Variants in MEDAG observed in about 807,000 individuals in gnomAD.
MEDAG encodes mesenteric estrogen dependent adipogenesis, also known as mesenteric estrogen-dependent adipogenesis protein.
In MEDAG, 25 loss-of-function variants were observed where a neutral mutation model predicts 29.9. The ratio of observed to expected loss-of-function variants is 0.84; its 90% CI spans 0.61 to 1.17. The LOEUF (loss-of-function observed/expected upper bound fraction) is 1.17, where lower values mean the gene tolerates loss of function less well. MEDAG is among the 50% of genes most tolerant of loss of function. The pLI is 0.00. For synonymous variants in MEDAG, 158 were observed against 148.2 expected (o/e 1.07, Z -0.48); for missense variants, 398 against 372.9 (o/e 1.07, Z -0.56).
chr13:30,924,530 A>G lies in MEDAG; in HGVS notation c.*95A>G, dbSNP rs891065936. 29 of 1,300,078 alleles carry G rather than the reference A, an allele frequency of 2.2e-5. No individual in the cohort carries two copies. In the African/African-American group the frequency reaches 4.3e-4, roughly 19 times the overall value. 80.5% of individuals were successfully genotyped at this position (1,300,078 alleles called of 1,614,324 possible). A position where few individuals can be genotyped will look rare whatever the true frequency, so the allele number is the denominator to read the frequency against. ...TAGGAGGTGGGAGGCAGATACTTCC[A>G]CCTGCGTGTCAATCTCCGGCTCCTC... On this transcript the variant is annotated 3_prime_UTR_variant, in exon 5 of 5. Transcript: ENST00000380482.
chr13:30,906,491 C>T lies in MEDAG; in HGVS notation c.-25C>T, dbSNP rs920495404. On this transcript the variant is annotated 5_prime_UTR_variant, in exon 1 of 5. Coordinates refer to ENST00000380482, the MANE Select transcript of MEDAG (RefSeq NM_032849.4). ...GCTGTAGGCACCGGACGGAAGCAGG[C>T]GGTGTGAGGACCGACGACGCGGGCA... 2.0e-6 allele frequency: 3 copies of T among 1,468,422 alleles called. No individual in the cohort carries two copies. Among genetic ancestry groups the T allele is most frequent in the African/African-American group, 2.9e-5 (2 of 68,588 alleles). The allele number at this position is 1,468,422 out of a possible 1,614,324, so 91.0% of individuals were successfully genotyped here.
In MEDAG at chr13:30,917,506, T is replaced by C; in HGVS notation, c.382T>C (p.Ser128Pro). The C allele has an allele frequency of 6.4e-7, 1 of 1,555,738 alleles. No homozygotes were observed. Among genetic ancestry groups the C allele is most frequent in the Non-Finnish European group, 8.9e-7 (1 of 1,127,658 alleles). The change falls in exon 2 of 5, where the codon TCA (serine) becomes CCA (proline). Residue 128 changes from serine to proline, a missense_variant. Ser to Pro is a moderately conservative substitution (Grantham distance 74). Transcript: ENST00000380482. ...TAATGTACAGACCAAAAAAGACACC[T>C]CAAAAGGTAAGTATCTATATTAGTC... ...FINVQTKKDT[S>P]KERTYAFLVN...
At position 30,906,716 on chromosome 13, in the gene MEDAG, G is replaced by A. The variant is rs762523878; in HGVS notation, c.201G>A (p.Arg67=). 2 of 1,518,008 alleles carry A rather than the reference G, an allele frequency of 1.3e-6. No individual in the cohort carries two copies. Among genetic ancestry groups the A allele is most frequent in the African/African-American group, 1.4e-5 (1 of 70,868 alleles). 94.0% of individuals were successfully genotyped at this position (1,518,008 alleles called of 1,614,324 possible). A position where few individuals can be genotyped will look rare whatever the true frequency, so the allele number is the denominator to read the frequency against. ...GGCCCGGGGAGCCGGCGGCGGCGCG[G>A]GGGGGCTTCAACGTCTTCGGTGACG... ...VARPGEPAAA[R]GGFNVFGDGL... is the part of the protein sequence containing the mutation. The change falls in exon 1 of 5, where the codon CGG becomes CGA. Residue 67 remains arginine, a synonymous_variant. Transcript: ENST00000380482.
chr13:30,922,104 T>C (rs906515709), intron 4 of MEDAG: 6 of 297,786 alleles, frequency 2.0e-5, no homozygotes, highest in Admixed American at 1.4e-4. Flanking sequence ...TAAATATTAT[T>C]ATTAATTTAA....
intron 3 of MEDAG, 86 bp downstream of exon 3, chr13:30,921,212 C>G: frequency 8.7e-7 from 1 of 1,145,986 alleles, no homozygotes; most frequent in Non-Finnish European, 1.3e-6. Context: ...CCCTATTGCC[C>G]TGGCTTAGGC....
rs1593510797 is a variant in MEDAG, at chr13:30,920,892, G to A, written c.389-122G>A. On this transcript the variant is annotated intron_variant, in intron 2 of 4. Coordinates refer to ENST00000380482, the MANE Select transcript of MEDAG (RefSeq NM_032849.4). Reference sequence around the variant, plus strand: ...TAGTAAGGTTGTGAGGGAGCAGAGAGGAAGGTTATAAATGAATAAAATCTT... The same window carrying A: ...TAGTAAGGTTGTGAGGGAGCAGAGAAGAAGGTTATAAATGAATAAAATCTT... The A allele has an allele frequency of 6.7e-6, 5 of 742,562 alleles. No homozygotes were observed. The South Asian group carries it at 7.1e-5, about 11-fold the overall frequency. The allele number at this position is 742,562 out of a possible 1,614,324, so 46.0% of individuals were successfully genotyped here. A position where few individuals can be genotyped will look rare whatever the true frequency, so the allele number is the denominator to read the frequency against.
At position 30,911,684 on chromosome 13, in the gene MEDAG, C is replaced by T. The variant is rs145498056; in HGVS notation, c.278+4891C>T. ...GGGAGAACCCAGTGGAGCCTGGACA[C>T]GTGAATACAGAGAACTATGCATTTC... On this transcript the variant is annotated intron_variant, in intron 1 of 4. Transcript: ENST00000380482. Among the ~76,000 whole-genome samples, 558 of 152,234 alleles carry T rather than the reference C, an allele frequency of 3.7e-3. 6 individuals are homozygous for T. The highest frequency in any genetic ancestry group is 5.5e-3 in the Non-Finnish European group (374 of 68,002).
In MEDAG at chr13:30,919,833, A is replaced by C. The variant is rs10492601; in HGVS notation, c.389-1181A>C. On this transcript the variant is annotated intron_variant, in intron 2 of 4. Transcript: ENST00000380482. ...TGTCTCCTTAGACCAAGGACTGAGT[A>C]ATTAAGGCCATGGAGCTTGATGCGG... Among the ~76,000 whole-genome samples the C allele has an allele frequency of 8.6e-3, 1,307 of 152,322 alleles. 29 individuals are homozygous for C. Among genetic ancestry groups the C allele is most frequent in the African/African-American group, 0.029 (1,213 of 41,572 alleles).
chr13:30,916,123 CATAGATTTCTAAGAAACCAAGCTGGGAGA>C (rs2138121755), intron 1 of MEDAG: 1 of 152,292 alleles, frequency 6.6e-6, no homozygotes, highest in African/African-American at 2.4e-5. Flanking sequence ...AAGATAATGA[CATAGATTTCTAAGAAACCAAGCTGGGAGA>C]CAGCCGAGCG....
At chr13:30,920,845 C>G (rs1020848822) in intron 2 of MEDAG, among the ~76,000 whole-genome samples, 169 bp from the exon 3 acceptor site, 1 of 152,146 alleles carries the variant, frequency 6.6e-6, no homozygotes, top group Non-Finnish European at 1.5e-5. Flanking sequence ...AGAAACACTT[C>G]TAGAAATCTG....
At chr13:30,910,842 C>T (rs1952875875) in intron 1 of MEDAG, among the ~76,000 whole-genome samples, 1 of 152,224 alleles carries the variant, frequency 6.6e-6, no homozygotes, top group Non-Finnish European at 1.5e-5. Context: ...GCCTCACCTC[C>T]ATCCTGCAGT....
At chr13:30,915,680 C>T (rs1952920850) in intron 1 of MEDAG, among the ~76,000 whole-genome samples, 1 of 151,222 alleles carries the variant, frequency 6.6e-6, no homozygotes, top group Admixed American at 6.6e-5. Flanking sequence ...CCTGAGGTTC[C>T]CCCATCTCAC....
chr13:30,915,461 C>T (rs748069977), intron 1 of MEDAG, among the ~76,000 whole-genome samples: 4 of 152,152 alleles, frequency 2.6e-5, no homozygotes, highest in Non-Finnish European at 5.9e-5. Flanking sequence ...TGTAAATGCT[C>T]ACCTGGTGCC....
intron 2 of MEDAG, 124 bp from the exon 3 acceptor site, chr13:30,920,890 G>A (rs879009942): frequency 4.1e-6 from 3 of 740,646 alleles, no homozygotes; most frequent in Non-Finnish European, 4.6e-6. Flanking sequence ...AGGGAGCAGA[G>A]AGGAAGGTTA....
At chr13:30,911,636 C>T (rs1179953927) in intron 1 of MEDAG, among the ~76,000 whole-genome samples, 1 of 152,160 alleles carries the variant, frequency 6.6e-6, no homozygotes, top group African/African-American at 2.4e-5. Flanking sequence ...TCCTGACTTG[C>T]TCCCCTTGGC....
At chr13:30,909,418 T>A (rs1999417) in intron 1 of MEDAG, among the ~76,000 whole-genome samples, 41,349 of 152,006 alleles carry the variant, frequency 0.27, 5,747 homozygotes, top group South Asian at 0.33. Flanking sequence ...CCAGTGACTT[T>A]TCGTCTTCTT....
At chr13:30,914,106 T>G (rs1463880346) in intron 1 of MEDAG, among the ~76,000 whole-genome samples, 2 of 152,154 alleles carry the variant, frequency 1.3e-5, no homozygotes, top group Non-Finnish European at 2.9e-5. Flanking sequence ...TATAATCTAG[T>G]AAGGATAGTC....
At chr13:30,910,852 T>G (rs1266769844) in intron 1 of MEDAG, among the ~76,000 whole-genome samples, 1 of 152,184 alleles carries the variant, frequency 6.6e-6, no homozygotes, top group Non-Finnish European at 1.5e-5. Context: ...CATCCTGCAG[T>G]GGGAAGTGCT....
At chr13:30,911,887 T>C (rs546919123) in intron 1 of MEDAG, among the ~76,000 whole-genome samples, 7 of 152,168 alleles carry the variant, frequency 4.6e-5, no homozygotes, top group Non-Finnish European at 1.0e-4. Context: ...TCATGCCAGG[T>C]GATTCCAGTG....
Sources: allele counts gnomAD v4.1 joint callset (sites outside exome capture counted in the v4.1 genomes callset), GRCh38; gene constraint gnomAD v4.1.1; transcripts MANE v1.5; gene names NCBI Gene and HGNC (gene_info 2026-07-23, HGNC 2026-07-21).